Variants in XPR1 observed in about 807,000 individuals in gnomAD.
The protein encoded by XPR1 is solute carrier family 53 member 1.
XPR1 carries 28 observed loss-of-function variants against 87.5 expected under a neutral mutation model. That is an observed-to-expected ratio of 0.32 (90% CI 0.24 to 0.44). The LOEUF (loss-of-function observed/expected upper bound fraction) is 0.44. Among genes scored for constraint, XPR1 ranks in the 20% least tolerant of loss-of-function variants. The pLI is 1.00. For missense variants in XPR1, 559 were observed against 862.3 expected (o/e 0.65, Z 4.41); for synonymous variants, 300 against 306.1 (o/e 0.98, Z 0.21).
At chr1:180,716,736 C>T (rs1658008797) in intron 2 of XPR1, among the ~76,000 whole-genome samples, 2 of 152,084 alleles carry the variant, frequency 1.3e-5, no homozygotes, top group Non-Finnish European at 2.9e-5. Context: ...AAGATTCTTC[C>T]CCTCTGGAAT....
chr1:180,816,095 G>A (rs1161450981), intron 7 of XPR1, among the ~76,000 whole-genome samples: 1 of 152,146 alleles, frequency 6.6e-6, no homozygotes, highest in Non-Finnish European at 1.5e-5. Flanking sequence ...TGAGGTAATG[G>A]TGGGAGTGAA....
rs1571662047 is a variant in XPR1, at chr1:180,636,849, T to A, written c.69+4579T>A. ...GGCGGATCACTTGAGGTCAAGAGAT[T>A]GAGACCATTCTGGCCAACATGGTGA... On this transcript the variant is annotated intron_variant, in intron 1 of 14. Coordinates refer to ENST00000367590, the MANE Select transcript of XPR1 (RefSeq NM_004736.4). 2.0e-5 allele frequency among the ~76,000 whole-genome samples: 3 copies of A among 151,984 alleles called. No individual in the cohort carries two copies. In the East Asian group the frequency reaches 5.8e-4, roughly 29 times the overall value.
chr1:180,792,823 T>G (rs1321124045), intron 3 of XPR1, among the ~76,000 whole-genome samples: 1 of 152,116 alleles, frequency 6.6e-6, no homozygotes, highest in East Asian at 1.9e-4. Context: ...GTGATCCAAC[T>G]GATCACTTTT....
In XPR1 at chr1:180,767,462, TG is replaced by T. The variant is rs371802019; in HGVS notation, c.122-20289del. Among the ~76,000 whole-genome samples, 122 of 152,290 alleles carry T rather than the reference TG, an allele frequency of 8.0e-4. 1 individual carries two copies. The East Asian group carries it at 0.013, about 16-fold the overall frequency. On this transcript the variant is annotated intron_variant, in intron 2 of 14. Transcript: ENST00000367590. ...GTAGGAATTTTTAAAATACATAAAC[TG>T]GTGATCCTTAGTGCATTCTCTTTTC...
chr1:180,850,261 G>A (rs2102188610), intron 11 of XPR1, among the ~76,000 whole-genome samples: 1 of 152,294 alleles, frequency 6.6e-6, no homozygotes, highest in South Asian at 2.1e-4. Context: ...GGATTTTTTA[G>A]ATCTGATATG....
In XPR1 at chr1:180,866,811, A is replaced by ATTTT. The variant is rs71121055; in HGVS notation, c.1668+2947_1668+2950dup. Among the ~76,000 whole-genome samples the ATTTT allele has an allele frequency of 3.1e-3, 444 of 141,122 alleles. 4 individuals carry two copies. The highest frequency in any genetic ancestry group is 0.011 in the African/African-American group (400 of 37,540). 92.6% of individuals were successfully genotyped at this position (141,122 alleles called of 152,430 possible). On this transcript the variant is annotated intron_variant, in intron 12 of 14. Transcript: ENST00000367590. ...CATATTAGTTTATTTTTTTTTTTTAATTTTTTTTTTTTTATTATACTCTAA... is the reference window on the plus strand; with the variant it reads ...CATATTAGTTTATTTTTTTTTTTTAATTTTTTTTTTTTTTTTTATTATACTCTAA...
At chr1:180,851,699 A>G (rs967561846) in intron 11 of XPR1, among the ~76,000 whole-genome samples, 7 of 152,286 alleles carry the variant, frequency 4.6e-5, no homozygotes, top group African/African-American at 1.4e-4. Context: ...ACACACATAC[A>G]TAAGAAAGAT....
rs191738165 is a variant in XPR1 at position 180,808,476 on chromosome 1, G to A, written c.681+1919G>A. 3.6e-4 allele frequency among the ~76,000 whole-genome samples: 55 copies of A among 152,110 alleles called. No individual in the cohort carries two copies. The East Asian group carries it at 9.3e-3, about 26-fold the overall frequency. On this transcript the variant is annotated intron_variant, in intron 6 of 14. Transcript: ENST00000367590. ...AAGCACCTCATCAAAATTAAAAAAC[G>A]TATGCTCTTCAAAAGACATATTAAG...
chr1:180,665,146 G>A (rs1655914707), intron 1 of XPR1, among the ~76,000 whole-genome samples: 1 of 152,206 alleles, frequency 6.6e-6, no homozygotes, highest in African/African-American at 2.4e-5. Flanking sequence ...GAAGACAAAG[G>A]AGAAGTAAAC....
At chr1:180,676,494 A>G (rs2101937358) in intron 1 of XPR1, among the ~76,000 whole-genome samples, 1 of 151,964 alleles carries the variant, frequency 6.6e-6, no homozygotes, top group Non-Finnish European at 1.5e-5. Context: ...ACTTCTAGAG[A>G]TTTACTCTGA....
chr1:180,795,650 T>C (rs1649541896), intron 3 of XPR1, among the ~76,000 whole-genome samples: 1 of 152,132 alleles, frequency 6.6e-6, no homozygotes, highest in Admixed American at 6.6e-5. Context: ...AGAAGCATCA[T>C]GAAAGTATTA....
chr1:180,633,782 G>A (rs1424003667), intron 1 of XPR1, among the ~76,000 whole-genome samples: 2 of 152,216 alleles, frequency 1.3e-5, no homozygotes, highest in African/African-American at 2.4e-5. Context: ...TAGAATCCAA[G>A]TGATGGTTTT....
chr1:180,710,185 C>A (rs886755220), intron 2 of XPR1, among the ~76,000 whole-genome samples: 7 of 151,556 alleles, frequency 4.6e-5, no homozygotes, highest in Admixed American at 6.6e-5. Flanking sequence ...AGCCACCACA[C>A]CTGGCCTGTT....
chr1:180,649,438 A>G (rs1434923500), intron 1 of XPR1, among the ~76,000 whole-genome samples: 1 of 152,092 alleles, frequency 6.6e-6, no homozygotes. Flanking sequence ...CTCAAAAAAA[A>G]ACAAAAACAA....
chr1:180,676,466 G>A (rs181896885), intron 1 of XPR1, among the ~76,000 whole-genome samples: 1 of 152,016 alleles, frequency 6.6e-6, no homozygotes, highest in Admixed American at 6.5e-5. Context: ...CATTTTTCTG[G>A]TACTTTTTTT....
intron 2 of XPR1, among the ~76,000 whole-genome samples, chr1:180,760,798 G>T (rs566520177): frequency 5.3e-5 from 8 of 152,210 alleles, no homozygotes; most frequent in East Asian, 3.9e-4. Context: ...AAAAGAGCCC[G>T]CATCGCCAAG....
At chr1:180,834,735 A>G in intron 9 of XPR1, 139 bp from the exon 10 acceptor site, 1 of 907,846 alleles carries the variant, frequency 1.1e-6, no homozygotes, top group East Asian at 2.7e-5. Flanking sequence ...CACTGTTGCC[A>G]GGTCTCTGTA....
intron 11 of XPR1, among the ~76,000 whole-genome samples, chr1:180,844,817 C>T (rs990084262): frequency 6.6e-6 from 1 of 152,176 alleles, no homozygotes; most frequent in Non-Finnish European, 1.5e-5. Context: ...TCACATGGCA[C>T]TGACAGAAAC....
At chr1:180,799,916 C>T (rs542642224) in intron 3 of XPR1, among the ~76,000 whole-genome samples, 1 of 152,312 alleles carries the variant, frequency 6.6e-6, no homozygotes, top group African/African-American at 2.4e-5. Flanking sequence ...CAAGATTCAT[C>T]CAACTTGCGT....
Sources: allele counts gnomAD v4.1 joint callset (sites outside exome capture counted in the v4.1 genomes callset), GRCh38; gene constraint gnomAD v4.1.1; transcripts MANE v1.5; gene names NCBI Gene and HGNC (gene_info 2026-07-23, HGNC 2026-07-21).